Variants in ZMYM2 observed in about 807,000 individuals in gnomAD.
ZMYM2 encodes the protein zinc finger MYM-type protein 2.
Under a neutral mutation model 162.8 loss-of-function variants are expected in ZMYM2, and 56 were observed. That is an observed-to-expected ratio of 0.34 (90% CI 0.28 to 0.43). The LOEUF (loss-of-function observed/expected upper bound fraction) is 0.43. Ranked by LOEUF, ZMYM2 falls within the 20% of genes least tolerant of loss-of-function variation. ZMYM2 has a pLI of 1.00. For missense variants in ZMYM2, 1,275 were observed against 1,621.8 expected, an observed-to-expected ratio of 0.79 and a Z score of 3.67; for synonymous variants, 510 against 541.6, an observed-to-expected ratio of 0.94 and a Z score of 0.81.
At chr13:19,912,292 G>GTTT in the ZMYM2 span, among the ~76,000 whole-genome samples, 4 of 75,702 alleles carry the variant, frequency 5.3e-5, no homozygotes, top group Non-Finnish European at 9.9e-5. Flanking sequence ...TGTTTTTTGG[G>GTTT]TTTTTTTTTT....
intron 17 of ZMYM2, among the ~76,000 whole-genome samples, 157 bp from the exon 18 acceptor site, chr13:20,062,689 G>T (rs530531152): frequency 6.6e-6 from 1 of 152,136 alleles, no homozygotes; most frequent in Non-Finnish European, 1.5e-5. Context: ...TACATTTTGA[G>T]ATAGTTATAT....
At chr13:19,943,543 T>C in the ZMYM2 span, among the ~76,000 whole-genome samples, 1 of 152,184 alleles carries the variant, frequency 6.6e-6, no homozygotes, top group African/African-American at 2.4e-5. Context: ...GAGTCATTTA[T>C]TTACATTCAA....
chr13:20,083,085 A>T, intron 23 of ZMYM2, 53 bp downstream of exon 23: 1 of 1,473,774 alleles, frequency 6.8e-7, no homozygotes. Context: ...TTTTTGAGAC[A>T]GAGTTTCACT....
At position 20,058,935 on chromosome 13, in the gene ZMYM2, G is replaced by GA. The variant is rs1403409573; in HGVS notation, c.2623+237dup. The GA allele has an allele frequency of 4.7e-6, 3 of 638,872 alleles. No homozygotes were observed. The East Asian group carries it at 9.6e-5, about 21-fold the overall frequency. 39.6% of individuals were successfully genotyped at this position (638,872 alleles called of 1,614,324 possible). On this transcript the variant is annotated intron_variant, in intron 15 of 24. Transcript: ENST00000610343. ...CTAGAATACAAATTATGTCAAAAGT[G>GA]AAAAAATACTATCTCGAAAATTTCC...
At position 20,019,709 on chromosome 13, in the gene ZMYM2, A is replaced by G. The variant is rs750113817; in HGVS notation, c.1584+91A>G. On this transcript the variant is annotated intron_variant, in intron 7 of 24. Coordinates refer to ENST00000610343, the MANE Select transcript of ZMYM2 (RefSeq NM_197968.4). Reference sequence around the variant, plus strand: ...ATATGTATCTGAAAAATCTTGTCCAATTTGAAATATATTAAAATTTCCAAA... The same window carrying G: ...ATATGTATCTGAAAAATCTTGTCCAGTTTGAAATATATTAAAATTTCCAAA... 3.3e-5 allele frequency: 39 copies of G among 1,169,290 alleles called. No homozygotes were observed. The East Asian group carries it at 9.1e-4, about 27-fold the overall frequency. The allele number at this position is 1,169,290 out of a possible 1,614,324, so 72.4% of individuals were successfully genotyped here.
At chr13:20,048,132 A>C in intron 12 of ZMYM2, among the ~76,000 whole-genome samples, 1 of 152,006 alleles carries the variant, frequency 6.6e-6, no homozygotes, top group Non-Finnish European at 1.5e-5. Flanking sequence ...CAGTTTTTTA[A>C]CACAGGCTTT....
At chr13:20,073,824 T>C (rs1957267401) in intron 21 of ZMYM2, among the ~76,000 whole-genome samples, 1 of 130,744 alleles carries the variant, frequency 7.6e-6, no homozygotes, top group Non-Finnish European at 1.5e-5. Context: ...TCTTAAATAG[T>C]TTTTTTTTCT....
Position 20,019,568 on chromosome 13 carries a change from C to T in ZMYM2, c.1534C>T (p.Leu512=). The change falls in exon 7 of 25, where the codon CTG becomes TTG. Residue 512 remains leucine (L), a synonymous_variant. Transcript: ENST00000610343. ...YKQVGSHPSF[L]KEVRDHMQDS... ...TTAGGTAGGTAGCCATCCAAGCTTC[C>T]TGAAGGAGGTTCGAGATCACATGCA... 1 of 1,593,994 alleles carries T rather than the reference C, an allele frequency of 6.3e-7. No homozygotes were observed. Among genetic ancestry groups the T allele is most frequent in the Non-Finnish European group, 8.5e-7 (1 of 1,169,652 alleles).
chr13:20,066,440 G>A, intron 19 of ZMYM2: 1 of 153,248 alleles, frequency 6.5e-6, no homozygotes, highest in Admixed American at 6.5e-5. Flanking sequence ...TTGACTGGAA[G>A]CCTTGCTGAT....
intron 2 of ZMYM2, among the ~76,000 whole-genome samples, chr13:19,978,193 A>G (rs1338127783): frequency 2.6e-5 from 4 of 151,820 alleles, no homozygotes; most frequent in African/African-American, 7.3e-5. Context: ...TATTTTTTAA[A>G]TGGTTACCTT....
intron 3 of ZMYM2, among the ~76,000 whole-genome samples, chr13:20,001,859 T>C (rs926395668): frequency 1.3e-5 from 2 of 152,238 alleles, no homozygotes; most frequent in Non-Finnish European, 2.9e-5. Context: ...AATAAAGTAT[T>C]TTTAAATTAA....
At chr13:19,910,970 G>A in the ZMYM2 span, among the ~76,000 whole-genome samples, 1 of 151,406 alleles carries the variant, frequency 6.6e-6, no homozygotes, top group Non-Finnish European at 1.5e-5. Context: ...ACGCAGAAAA[G>A]CTCTAAGTCA....
At chr13:19,921,044 C>T in the ZMYM2 span, among the ~76,000 whole-genome samples, 1 of 152,100 alleles carries the variant, frequency 6.6e-6, no homozygotes, top group Non-Finnish European at 1.5e-5. Context: ...GCTGGGATTA[C>T]AGGCGTGAGC....
At chr13:19,942,358 A>G in the ZMYM2 span, among the ~76,000 whole-genome samples, 2 of 151,996 alleles carry the variant, frequency 1.3e-5, no homozygotes, top group Non-Finnish European at 1.5e-5. Flanking sequence ...GGAAATACAA[A>G]TGTGAATGAG....
the ZMYM2 span, among the ~76,000 whole-genome samples, chr13:19,917,596 T>TA: frequency 0.71 from 94,022 of 133,176 alleles, 34,916 homozygotes; most frequent in Non-Finnish European, 0.82. Context: ...ATCTCAAATT[T>TA]AAAAAAAAAA....
At chr13:20,068,313 T>G (rs894834602) in intron 21 of ZMYM2, 1 of 176,972 alleles carries the variant, frequency 5.7e-6, no homozygotes, top group African/African-American at 2.4e-5. Context: ...AGCAGAATTT[T>G]TTTCATGAAA....
chr13:19,938,191 G>A, the ZMYM2 span, among the ~76,000 whole-genome samples: 10 of 152,030 alleles, frequency 6.6e-5, no homozygotes, highest in South Asian at 4.2e-4. Flanking sequence ...TGGGTCAAAC[G>A]GTATTTCTAG....
chr13:19,992,531 G>T (rs779101501), intron 2 of ZMYM2, among the ~76,000 whole-genome samples: 6 of 152,164 alleles, frequency 3.9e-5, no homozygotes, highest in Non-Finnish European at 7.3e-5. Context: ...CTGCACTCCA[G>T]CCTGGGTGAC....
chr13:19,983,652 A>G (rs1957564140), intron 2 of ZMYM2, among the ~76,000 whole-genome samples: 1 of 152,018 alleles, frequency 6.6e-6, no homozygotes, highest in African/African-American at 2.4e-5. Context: ...TTTTTAAGAT[A>G]GAGTCTCGCT....
Sources: gnomAD v4.1 joint callset for allele counts (sites outside exome capture counted in the v4.1 genomes callset) on GRCh38, gnomAD v4.1.1 for gene constraint, MANE v1.5 for transcripts, NCBI Gene and HGNC (gene_info 2026-07-23, HGNC 2026-07-21) for gene names.